The following SETD1A variants were observed in gnomAD, a reference collection of about 807,000 sequenced individuals.
The protein encoded by SETD1A is SET domain containing 1A, histone lysine methyltransferase.
A neutral mutation model predicts 149.9 loss-of-function variants in SETD1A; 29 were observed. That is an observed-to-expected ratio of 0.19 (90% CI 0.14 to 0.26). The LOEUF (loss-of-function observed/expected upper bound fraction) is 0.26, where lower values mean the gene tolerates loss of function less well. Among genes scored for constraint, SETD1A ranks in the 10% least tolerant of loss-of-function variants. The pLI, the probability that SETD1A is intolerant of heterozygous loss-of-function variation, is 1.00. For synonymous variants in SETD1A, 1,141 were observed against 968.5 expected, an observed-to-expected ratio of 1.18 and a Z score of -3.31; for missense variants, 2,109 against 2,353.1, an observed-to-expected ratio of 0.90 and a Z score of 2.15.
chr16:30,979,721 C>G lies in SETD1A; in HGVS notation c.3935C>G (p.Ala1312Gly). 6.2e-7 allele frequency: 1 copy of G among 1,600,750 alleles called. No homozygotes were observed. The highest frequency in any genetic ancestry group is 1.3e-5 in the African/African-American group (1 of 74,938). ...CTGGCCGTCAAGCCCACGCCCCCTGCGCCAGCCCTGCGGCCCCCGGAGCCA... is the reference window on the plus strand; with the variant it reads ...CTGGCCGTCAAGCCCACGCCCCCTGGGCCAGCCCTGCGGCCCCCGGAGCCA... ...YALAVKPTPP[A>G]PALRPPEPVP... The change falls in exon 14 of 19, where the codon GCG becomes GGG. Residue 1312 changes from alanine to glycine, a missense_variant. This residue lies in a region of SETD1A where 832 missense variants were observed against 815.6 expected (regional missense o/e 1.02). Coordinates refer to ENST00000262519, the MANE Select transcript of SETD1A (RefSeq NM_014712.3).
chr16:30,963,651 G>C, intron 5 of SETD1A, 97 bp downstream of exon 5: 3 of 1,341,572 alleles, frequency 2.2e-6, no homozygotes, highest in South Asian at 1.5e-5. Context: ...GGGCTTTCCC[G>C]TTAAACAAAG....
In SETD1A at chr16:30,983,842, A is replaced by T; in HGVS notation, c.4951-8A>T. 6.2e-7 allele frequency: 1 copy of T among 1,610,318 alleles called. No homozygotes were observed. The highest frequency in any genetic ancestry group is 8.5e-7 in the Non-Finnish European group (1 of 1,177,708). On this transcript the variant is annotated splice_region_variant and splice_polypyrimidine_tract_variant and intron_variant, in intron 18 of 18. Coordinates refer to ENST00000262519, the MANE Select transcript of SETD1A (RefSeq NM_014712.3). This position sits in a 1 kb window ranked among gnomAD's most constrained non-coding sequence, Gnocchi z 6.8. ...GTGGCCACGGCTCACACGCCCTTCC[A>T]TCCGCAGCCTAACTGCTACGCCAAG...
rs895549592 is a variant in SETD1A, at chr16:30,984,377, C to T, written c.*354C>T. The T allele has an allele frequency of 4.4e-5, 10 of 227,772 alleles. No individual in the cohort carries two copies. The highest frequency in any genetic ancestry group is 1.5e-4 in the Admixed American group (3 of 19,362). 14.1% of individuals were successfully genotyped at this position (227,772 alleles called of 1,614,324 possible). A position where few individuals can be genotyped will look rare whatever the true frequency, so the allele number is the denominator to read the frequency against. On this transcript the variant is annotated 3_prime_UTR_variant, in exon 19 of 19. Coordinates refer to ENST00000262519, the MANE Select transcript of SETD1A (RefSeq NM_014712.3). ...TTGTGTTAATGGGGACTTCCCCTTACGCCCTGCGTGTACCCCTCCCCAGTT... is the reference window on the plus strand; with the variant it reads ...TTGTGTTAATGGGGACTTCCCCTTATGCCCTGCGTGTACCCCTCCCCAGTT...
chr16:30,982,795 G>A (rs1048305260), intron 17 of SETD1A, among the ~76,000 whole-genome samples: 1 of 152,162 alleles, frequency 6.6e-6, no homozygotes, highest in African/African-American at 2.4e-5. Flanking sequence ...CAGAGAGGAG[G>A]CTTTGGGTGC....
chr16:30,964,467 C>T lies in SETD1A; in HGVS notation c.869+144C>T, dbSNP rs921488531. ...GTGGATTCAGTCAACAAATTGCTGT[C>T]CTCGGGGAACACACTAGCTAGGAAC... On this transcript the variant is annotated intron_variant, in intron 6 of 18. Transcript: ENST00000262519. The T allele has an allele frequency of 8.5e-6, 12 of 1,419,368 alleles. No homozygotes were observed. The East Asian group carries it at 9.1e-5, about 11-fold the overall frequency. 87.9% of individuals were successfully genotyped at this position (1,419,368 alleles called of 1,614,324 possible). A position where few individuals can be genotyped will look rare whatever the true frequency, so the allele number is the denominator to read the frequency against.
chr16:30,980,373 T>C lies in SETD1A; in HGVS notation c.4409-112T>C. 6.9e-7 allele frequency: 1 copy of C among 1,457,116 alleles called. No homozygotes were observed. Among genetic ancestry groups the C allele is most frequent in the Admixed American group, 2.2e-5 (1 of 46,000 alleles). 90.3% of individuals were successfully genotyped at this position (1,457,116 alleles called of 1,614,324 possible). ...CTGGCAGGAACGATGGGGCTGGGGC[T>C]TCCTCCCCTGTCCCTCACCTGGGTA... On this transcript the variant is annotated intron_variant, in intron 14 of 18. Transcript: ENST00000262519. This position sits in a 1 kb window ranked among gnomAD's most constrained non-coding sequence, Gnocchi z 7.7.
intron 17 of SETD1A, among the ~76,000 whole-genome samples, chr16:30,981,450 C>T (rs762737086): frequency 6.6e-6 from 1 of 152,226 alleles, no homozygotes; most frequent in Admixed American, 6.5e-5. Flanking sequence ...TCTTGGCACA[C>T]TGCAACCTCT....
chr16:30,983,813 G>C lies in SETD1A; in HGVS notation c.4951-37G>C, dbSNP rs1441797341. ...GCCGGGGCAGGAGTTGGGGGTCGGT[G>C]GGGGTGGCCACGGCTCACACGCCCT... On this transcript the variant is annotated intron_variant, in intron 18 of 18. Coordinates refer to ENST00000262519, the MANE Select transcript of SETD1A (RefSeq NM_014712.3). This position sits in a 1 kb window ranked among gnomAD's most constrained non-coding sequence, Gnocchi z 6.8. The C allele has an allele frequency of 2.5e-6, 4 of 1,611,612 alleles. No individual in the cohort carries two copies. The highest frequency in any genetic ancestry group is 1.1e-5 in the South Asian group (1 of 90,904).
chr16:30,966,325 T>C lies in SETD1A; in HGVS notation c.2444T>C (p.Val815Ala). 6.2e-7 allele frequency: 1 copy of C among 1,613,654 alleles called. No individual in the cohort carries two copies. The highest frequency in any genetic ancestry group is 8.5e-7 in the Non-Finnish European group (1 of 1,179,952). Residue 815 changes from valine (V) to alanine (A), a missense_variant, in exon 8 of 19, where the codon GTG becomes GCG. Around this residue, in one of 8 missense-constraint regions of SETD1A, gnomAD observed 22 missense variants for 51.3 expected, o/e 0.43. Transcript: ENST00000262519. ...IMQRDLNRKM[V>A]ENVAFGAFDQ... is the part of the protein sequence containing the mutation. ...CAGCGAGACCTCAACCGCAAGATGG[T>C]GGAGAACGTGGCCTTCGGAGCCTTT... is the stretch of plus-strand genomic sequence containing the variant.
chr16:30,981,665 G>A (rs1277575942), intron 17 of SETD1A, among the ~76,000 whole-genome samples: 2 of 152,216 alleles, frequency 1.3e-5, no homozygotes, highest in Admixed American at 6.5e-5. Context: ...GTGAGCCATC[G>A]CATCCAGCCA....
At chr16:30,958,592 G>GATTC in intron 1 of SETD1A, 125 bp from the exon 2 acceptor site, 1 of 775,072 alleles carries the variant, frequency 1.3e-6, no homozygotes, top group Middle Eastern at 3.2e-4. Flanking sequence ...GGAGCCCCGG[G>GATTC]TCAGGGTGAG....
At chr16:30,960,853 A>G (rs1186141654) in intron 3 of SETD1A, among the ~76,000 whole-genome samples, 1 of 143,286 alleles carries the variant, frequency 7.0e-6, no homozygotes, top group Non-Finnish European at 1.5e-5. Flanking sequence ...CTCCTGCCTC[A>G]CCCTCCTGAG....
At chr16:30,964,007 G>T in intron 5 of SETD1A, 87 bp from the exon 6 acceptor site, 1 of 1,068,254 alleles carries the variant, frequency 9.4e-7, no homozygotes, top group African/African-American at 1.6e-5. Context: ...AAAAAAAAGG[G>T]AACTAGGATT....
chr16:30,966,215 G>T lies in SETD1A; in HGVS notation c.2334G>T (p.Glu778Asp), dbSNP rs767310432. ...EARLPPREEA[E>D]LAEGKTLPTA... is the part of the protein sequence containing the mutation. ...GGCTGCCACCCAGGGAAGAAGCAGAGCTGGCAGAGGGCAAGACCCTCCCGA... is the reference window on the plus strand; with the variant it reads ...GGCTGCCACCCAGGGAAGAAGCAGATCTGGCAGAGGGCAAGACCCTCCCGA... The change falls in exon 8 of 19, where the codon GAG becomes GAT. Residue 778 changes from glutamate (E) to aspartate (D), a missense_variant. Physicochemically the swap from Glu to Asp is conservative, Grantham distance 45 (BLOSUM62 2). Transcript: ENST00000262519. 2.5e-6 allele frequency: 4 copies of T among 1,613,534 alleles called. No homozygotes were observed. The South Asian group carries it at 4.4e-5, about 18-fold the overall frequency.
At chr16:30,969,748 T>C in intron 12 of SETD1A, 59 bp downstream of exon 12, 2 of 1,392,834 alleles carry the variant, frequency 1.4e-6, no homozygotes, top group Middle Eastern at 2.1e-4. Flanking sequence ...GCTGCCTGGC[T>C]AGCCCTTTTC....
In SETD1A at chr16:30,971,510, C is replaced by T; in HGVS notation, c.3149C>T (p.Ser1050Leu). ...TCATCCTCCTCCTCCTCCTCGTCCT[C>T]ATCCTCCTCGTCCTCTTCATCCTCT... Reference protein sequence around the residue: ...SSSSSSSSSSSSSSSSSSSES... With the variant: ...SSSSSSSSSSLSSSSSSSSES... The change falls in exon 13 of 19, where the codon TCA becomes TTA. Residue 1050 changes from serine to leucine, a missense_variant. Physicochemically the swap from Ser to Leu is moderately radical, Grantham distance 145. Around this residue, in one of 8 missense-constraint regions of SETD1A, gnomAD observed 832 missense variants for 815.6 expected, o/e 1.02. Transcript: ENST00000262519. 5.0e-6 allele frequency: 8 copies of T among 1,613,922 alleles called. No homozygotes were observed. The highest frequency in any genetic ancestry group is 6.8e-6 in the Non-Finnish European group (8 of 1,179,926).
rs769744692 is a variant in SETD1A, at chr16:30,964,981, G to GC, written c.1245dup (p.Glu416ArgfsTer37). ...TCCCACCTTCTTACACCTCCTACCTGCCCCCCGAGCCCAGCCGGCCCACCG... is the reference window on the plus strand; with the variant it reads ...TCCCACCTTCTTACACCTCCTACCTGCCCCCCCGAGCCCAGCCGGCCCACCG... On this transcript the variant is annotated frameshift_variant, in exon 7 of 19. Transcript: ENST00000262519. LOFTEE classifies it high-confidence loss of function. The GC allele has an allele frequency of 6.2e-7, 1 of 1,613,752 alleles. No individual in the cohort carries two copies.
rs1488118730 is a variant in SETD1A, at chr16:30,957,847, C to T, written c.-133C>T. ...CTCCAAGCTCCCTGGGCCGCAACTT[C>T]CGAGCCTCCCAGGGCGCCGGCCGAG... On this transcript the variant is annotated 5_prime_UTR_variant, in exon 1 of 19. Transcript: ENST00000262519. 1 of 152,296 alleles carries T rather than the reference C, an allele frequency of 6.6e-6. No individual in the cohort carries two copies. Among genetic ancestry groups the T allele is most frequent in the East Asian group, 1.9e-4 (1 of 5,190 alleles). The allele number at this position is 152,296 out of a possible 1,614,324, so 9.4% of individuals were successfully genotyped here.
chr16:30,959,652 A>G lies in SETD1A; in HGVS notation c.246+466A>G, dbSNP rs187802028. Among the ~76,000 whole-genome samples, 17 of 152,148 alleles carry G rather than the reference A, an allele frequency of 1.1e-4. No homozygotes were observed. The East Asian group carries it at 2.7e-3, about 24-fold the overall frequency. On this transcript the variant is annotated intron_variant, in intron 3 of 18. Transcript: ENST00000262519. ...TAGACAAGATATTCTTCAGGCCTTG[A>G]ACTGGGCCTGGAACACTGGTGGTTC...
Sources: gnomAD v4.1 joint callset for allele counts (sites outside exome capture counted in the v4.1 genomes callset) on GRCh38, gnomAD v4.1.1 for gene constraint, gnomAD v4.1.1 regional missense constraint, Gnocchi (gnomAD v3.1) non-coding constraint, MANE v1.5 for transcripts, NCBI Gene and HGNC (gene_info 2026-07-23, HGNC 2026-07-21) for gene names.